DCC: variants seen among roughly 807,000 people sequenced by gnomAD.
The protein encoded by DCC is DCC netrin 1 receptor.
Under a neutral mutation model 172.5 loss-of-function variants are expected in DCC, and 58 were observed. The ratio of observed to expected loss-of-function variants is 0.34; its 90% CI spans 0.27 to 0.42. The LOEUF is 0.42. Ranked by LOEUF, DCC falls within the 10% of genes least tolerant of loss-of-function variation. The pLI, the probability that DCC is intolerant of heterozygous loss-of-function variation, is 1.00. For missense variants in DCC, 1,740 were observed against 1,791.0 expected, an observed-to-expected ratio of 0.97 and a Z score of 0.51; for synonymous variants, 709 against 644.5, an observed-to-expected ratio of 1.10 and a Z score of -1.52.
chr18:52,463,489 C>CTATT (rs1988693658), intron 1 of DCC, among the ~76,000 whole-genome samples: 1 of 152,132 alleles, frequency 6.6e-6, no homozygotes, highest in South Asian at 2.1e-4. Context: ...GTGCTAAGAA[C>CTATT]TATTATCTTA....
At position 52,753,643 on chromosome 18, in the gene DCC, G is replaced by A. The variant is rs79893360; in HGVS notation, c.412+1269G>A. On this transcript the variant is annotated intron_variant, in intron 2 of 28. Coordinates refer to ENST00000442544, the MANE Select transcript of DCC (RefSeq NM_005215.4). ...TTCTAGTGCTTCCAAATTTCTTAAC[G>A]CTTGGTAACATGTTGGCTCAACAGC... Among the ~76,000 whole-genome samples the A allele has an allele frequency of 1.6e-3, 250 of 152,156 alleles. No homozygotes were observed. In the East Asian group the frequency reaches 0.021, roughly 13 times the overall value.
At chr18:52,966,230 G>A (rs1002162785) in intron 5 of DCC, among the ~76,000 whole-genome samples, 1 of 152,132 alleles carries the variant, frequency 6.6e-6, no homozygotes, top group Non-Finnish European at 1.5e-5. Context: ...CATGAATAAA[G>A]AGACATTGCT....
intron 1 of DCC, among the ~76,000 whole-genome samples, chr18:52,530,423 A>G (rs1687318221): frequency 6.6e-6 from 1 of 152,206 alleles, no homozygotes. Context: ...TACACTTTCA[A>G]GTTGCAATGA....
At chr18:53,203,149 G>A (rs2055567818) in intron 9 of DCC, among the ~76,000 whole-genome samples, 1 of 151,210 alleles carries the variant, frequency 6.6e-6, no homozygotes, top group Non-Finnish European at 1.5e-5. Flanking sequence ...AAAGTATTTA[G>A]GATTAAGGAG....
At chr18:53,206,157 A>G (rs1024206716) in intron 10 of DCC, among the ~76,000 whole-genome samples, 62 of 143,240 alleles carry the variant, frequency 4.3e-4, no homozygotes, top group Non-Finnish European at 8.1e-4. Flanking sequence ...ATTATATAAT[A>G]CATATATACA....
chr18:53,215,506 G>A (rs1489542481), intron 11 of DCC, 42 bp from the exon 12 acceptor site: 2 of 1,543,364 alleles, frequency 1.3e-6, no homozygotes, highest in Non-Finnish European at 1.8e-6. Flanking sequence ...TTTCTTTCAA[G>A]ATTTTGGCAG....
intron 1 of DCC, among the ~76,000 whole-genome samples, chr18:52,655,065 C>A (rs185520799): frequency 6.6e-6 from 1 of 150,760 alleles, no homozygotes; most frequent in Non-Finnish European, 1.5e-5. Flanking sequence ...TGAAACTGCA[C>A]CTTTTTACAT....
chr18:53,019,819 A>C (rs1388134919), intron 5 of DCC, among the ~76,000 whole-genome samples: 1 of 152,202 alleles, frequency 6.6e-6, no homozygotes, highest in East Asian at 1.9e-4. Context: ...ATACCAAAGC[A>C]GACAGCATGT....
intron 2 of DCC, among the ~76,000 whole-genome samples, chr18:52,780,011 A>G (rs1439247885): frequency 1.3e-5 from 2 of 152,156 alleles, no homozygotes; most frequent in Non-Finnish European, 2.9e-5. Flanking sequence ...ACATCTTTAC[A>G]GTTTTGGGAT....
chr18:53,163,221 G>C (rs1214980497), intron 8 of DCC, among the ~76,000 whole-genome samples: 1 of 152,094 alleles, frequency 6.6e-6, no homozygotes, highest in East Asian at 1.9e-4. Context: ...GATCAGAACT[G>C]ATATGGTAGA....
intron 1 of DCC, among the ~76,000 whole-genome samples, chr18:52,613,947 C>T (rs1361620990): frequency 6.6e-6 from 1 of 152,110 alleles, no homozygotes; most frequent in East Asian, 1.9e-4. Context: ...AGTTAGAATT[C>T]CAGTTAGGAT....
chr18:53,512,948 GA>G (rs1332713050), intron 27 of DCC, among the ~76,000 whole-genome samples: 1 of 152,070 alleles, frequency 6.6e-6, no homozygotes, highest in African/African-American at 2.4e-5. Context: ...TCAGATTCAG[GA>G]AATACAGAGA....
chr18:52,708,084 T>C (rs937628601), intron 1 of DCC, among the ~76,000 whole-genome samples: 2 of 152,182 alleles, frequency 1.3e-5, no homozygotes, highest in Non-Finnish European at 1.5e-5. Flanking sequence ...TATACATATG[T>C]CCAAAACATC....
intron 2 of DCC, among the ~76,000 whole-genome samples, chr18:52,828,510 C>T (rs997909255): frequency 2.0e-5 from 3 of 151,780 alleles, no homozygotes; most frequent in Non-Finnish European, 2.9e-5. Context: ...TTAAAGATAC[C>T]GAAAGTCTCC....
intron 7 of DCC, among the ~76,000 whole-genome samples, chr18:53,090,223 C>T (rs905332838): frequency 3.3e-5 from 5 of 152,150 alleles, no homozygotes; most frequent in Non-Finnish European, 7.3e-5. Context: ...TTAATAGCAA[C>T]TGTATTTCTT....
chr18:52,368,247 T>A (rs1357024049), intron 1 of DCC, among the ~76,000 whole-genome samples: 1 of 152,242 alleles, frequency 6.6e-6, no homozygotes, highest in African/African-American at 2.4e-5. Context: ...GAACTATTTA[T>A]CCCCATTGTT....
intron 1 of DCC, among the ~76,000 whole-genome samples, chr18:52,566,566 G>A (rs1424601389): frequency 5.3e-5 from 8 of 152,138 alleles, no homozygotes; most frequent in African/African-American, 1.4e-4. Flanking sequence ...CCCAGGTCAC[G>A]TTGCAAACCA....
chr18:53,309,713 T>G lies in DCC; in HGVS notation c.2053+3994T>G, dbSNP rs181215303. On this transcript the variant is annotated intron_variant, in intron 13 of 28. Coordinates refer to ENST00000442544, the MANE Select transcript of DCC (RefSeq NM_005215.4). ...CATTCCAGCCAAAAGCAAAGTGAGA[T>G]GAATTAATTAGTTATTAGGAACAGC... is the stretch of plus-strand genomic sequence containing the variant. 3.3e-5 allele frequency among the ~76,000 whole-genome samples: 5 copies of G among 152,076 alleles called. No individual in the cohort carries two copies. The East Asian group carries it at 5.8e-4, about 18-fold the overall frequency.
intron 2 of DCC, among the ~76,000 whole-genome samples, chr18:52,768,543 G>T (rs1340118857): frequency 6.6e-6 from 1 of 152,130 alleles, no homozygotes; most frequent in South Asian, 2.1e-4. Flanking sequence ...ATTTTACCAC[G>T]ACAAAAACCT....
Sources: gnomAD v4.1 joint callset for allele counts (sites outside exome capture counted in the v4.1 genomes callset) on GRCh38, gnomAD v4.1.1 for gene constraint, MANE v1.5 for transcripts, NCBI Gene and HGNC (gene_info 2026-07-23, HGNC 2026-07-21) for gene names.